Variants in DTD1 observed in about 807,000 individuals in gnomAD.
DTD1 encodes D-aminoacyl-tRNA deacylase 1, also known as D-tyrosyl-tRNA deacylase 1 homolog.
In DTD1, 13 loss-of-function variants were observed where a neutral mutation model predicts 25.6. The observed-to-expected ratio is 0.51, with a 90% CI of 0.33 to 0.81. The LOEUF (loss-of-function observed/expected upper bound fraction) is 0.81. DTD1 is among the 30% of genes least tolerant of loss of function. The pLI, the probability that DTD1 is intolerant of heterozygous loss-of-function variation, is 0.02. For synonymous variants in DTD1, 110 were observed against 103.6 expected (o/e 1.06, Z -0.37); for missense variants, 193 against 266.4 (o/e 0.72, Z 1.92).
At chr20:18,693,657 A>AAAAAAAAAAAAATTTAGACTCCATCT (rs1237251784) in intron 4 of DTD1, among the ~76,000 whole-genome samples, 1 of 31,970 alleles carries the variant, frequency 3.1e-5, no homozygotes, top group Non-Finnish European at 7.5e-5. Flanking sequence ...ACTCCCATCT[A>AAAAAAAAAAAAATTTAGACTCCATCT]AAAAAAAAAA....
intron 3 of DTD1, among the ~76,000 whole-genome samples, chr20:18,600,848 AG>A (rs2060630991): frequency 6.6e-6 from 1 of 152,002 alleles, no homozygotes; most frequent in East Asian, 1.9e-4. Context: ...TTTCATTCTG[AG>A]GGGTGCTAAT....
At chr20:18,689,136 G>A (rs555146674) in intron 4 of DTD1, among the ~76,000 whole-genome samples, 1 of 152,160 alleles carries the variant, frequency 6.6e-6, no homozygotes, top group African/African-American at 2.4e-5. Context: ...ATTCGTTTTC[G>A]GAATAAAGAA....
chr20:18,595,562 T>G (rs6081236), intron 2 of DTD1, among the ~76,000 whole-genome samples: 77,809 of 152,092 alleles, frequency 0.51, 20,287 homozygotes, highest in Middle Eastern at 0.57. Context: ...GAGCCACCGT[T>G]CTCAGCCGAA....
chr20:18,704,895 G>A (rs1162822711), intron 4 of DTD1, among the ~76,000 whole-genome samples: 2 of 152,172 alleles, frequency 1.3e-5, no homozygotes, highest in African/African-American at 4.8e-5. Flanking sequence ...TATTTTGCCT[G>A]CACACTCTGC....
intron 3 of DTD1, 53 bp from the exon 4 acceptor site, chr20:18,628,074 A>T (rs2060766568): frequency 6.8e-7 from 1 of 1,460,864 alleles, no homozygotes; most frequent in South Asian, 1.1e-5. Flanking sequence ...GTGCTTTTGG[A>T]TGGAGTAATC....
At chr20:18,716,895 C>CT (rs1163964871) in intron 4 of DTD1, among the ~76,000 whole-genome samples, 188 of 149,516 alleles carry the variant, frequency 1.3e-3, no homozygotes, top group Non-Finnish European at 1.5e-3. Context: ...CATGAATTTT[C>CT]TTTTTTTTTT....
intron 3 of DTD1, among the ~76,000 whole-genome samples, chr20:18,618,115 A>G (rs1156516200): frequency 6.6e-6 from 1 of 152,244 alleles, no homozygotes; most frequent in East Asian, 1.9e-4. Flanking sequence ...GAAATGGGAT[A>G]GACGGTGCCA....
intron 4 of DTD1, among the ~76,000 whole-genome samples, chr20:18,672,850 C>T (rs1486488846): frequency 6.6e-6 from 1 of 152,104 alleles, no homozygotes; most frequent in Non-Finnish European, 1.5e-5. Flanking sequence ...GGGGCTGTAC[C>T]ATTATGGTTG....
intron 4 of DTD1, among the ~76,000 whole-genome samples, chr20:18,661,815 C>G (rs1440318191): frequency 3.3e-5 from 5 of 152,136 alleles, no homozygotes; most frequent in African/African-American, 1.2e-4. Flanking sequence ...GGAGAAAAGG[C>G]TGATAACAGG....
At chr20:18,747,668 A>G (rs749159112) in intron 5 of DTD1, among the ~76,000 whole-genome samples, 14 of 152,074 alleles carry the variant, frequency 9.2e-5, no homozygotes, top group Non-Finnish European at 1.6e-4. Context: ...TCTGTTGAAG[A>G]CTGTACTTAA....
At chr20:18,742,915 T>A (rs2061284208) in intron 4 of DTD1, among the ~76,000 whole-genome samples, 1 of 152,240 alleles carries the variant, frequency 6.6e-6, no homozygotes, top group African/African-American at 2.4e-5. Flanking sequence ...ATAAGTTTCC[T>A]TCTTTTTATG....
intron 4 of DTD1, among the ~76,000 whole-genome samples, chr20:18,701,028 T>C (rs2061102587): frequency 6.6e-6 from 1 of 152,234 alleles, no homozygotes; most frequent in African/African-American, 2.4e-5. Flanking sequence ...AAAGCACATG[T>C]TAACTGATTT....
At chr20:18,607,563 T>C (rs958618172) in intron 3 of DTD1, among the ~76,000 whole-genome samples, 10 of 152,202 alleles carry the variant, frequency 6.6e-5, no homozygotes, top group Non-Finnish European at 1.3e-4. Flanking sequence ...AGATAGATTG[T>C]AGAGAATTGG....
chr20:18,750,378 C>A (rs1037224235), intron 5 of DTD1, among the ~76,000 whole-genome samples: 1 of 152,198 alleles, frequency 6.6e-6, no homozygotes, highest in African/African-American at 2.4e-5. Context: ...AGCCCCCTCA[C>A]TATGAAGGGA....
chr20:18,653,887 C>T (rs2060882635), intron 4 of DTD1, among the ~76,000 whole-genome samples: 1 of 152,228 alleles, frequency 6.6e-6, no homozygotes, highest in African/African-American at 2.4e-5. Context: ...ACATGACCCT[C>T]ACAGCCATCA....
intron 4 of DTD1, among the ~76,000 whole-genome samples, chr20:18,645,015 G>GT (rs2060845262): frequency 6.6e-6 from 1 of 152,150 alleles, no homozygotes; most frequent in Non-Finnish European, 1.5e-5. Context: ...GCAGAATGTG[G>GT]TGGTGCACGT....
At chr20:18,667,606 G>A (rs2060936520) in intron 4 of DTD1, among the ~76,000 whole-genome samples, 3 of 152,212 alleles carry the variant, frequency 2.0e-5, no homozygotes, top group African/African-American at 4.8e-5. Flanking sequence ...AACATTTGTT[G>A]ATCCAATGAA....
chr20:18,654,408 G>T (rs2060884858), intron 4 of DTD1, among the ~76,000 whole-genome samples: 1 of 152,184 alleles, frequency 6.6e-6, no homozygotes, highest in African/African-American at 2.4e-5. Context: ...TTTTTAAAAA[G>T]AAATTACCTG....
chr20:18,708,251 A>ATTTT (rs56000255), intron 4 of DTD1, among the ~76,000 whole-genome samples: 7 of 27,350 alleles, frequency 2.6e-4, no homozygotes, highest in Admixed American at 8.4e-4. Context: ...TATAATATAT[A>ATTTT]TTATATATAT....
Sources: allele counts gnomAD v4.1 joint callset (sites outside exome capture counted in the v4.1 genomes callset), GRCh38; gene constraint gnomAD v4.1.1; transcripts MANE v1.5; gene names NCBI Gene and HGNC (gene_info 2026-07-23, HGNC 2026-07-21).